Variants in AP3D1 observed in about 807,000 individuals in gnomAD.
The protein encoded by AP3D1 is AP-3 complex subunit delta-1.
In AP3D1, 51 loss-of-function variants were observed where a neutral mutation model predicts 147.6. The ratio of observed to expected loss-of-function variants is 0.35; its 90% CI spans 0.28 to 0.44. AP3D1 has a LOEUF of 0.44. Among genes scored for constraint, AP3D1 ranks in the 20% least tolerant of loss-of-function variants. AP3D1 has a pLI of 1.00. For synonymous variants in AP3D1, 760 were observed against 663.0 expected (o/e 1.15, Z -2.25); for missense variants, 1,421 against 1,624.2 (o/e 0.87, Z 2.15).
chr19:2,159,044 G>A (rs1365076703), intron 1 of AP3D1, among the ~76,000 whole-genome samples: 1 of 152,014 alleles, frequency 6.6e-6, no homozygotes, highest in African/African-American at 2.4e-5. Flanking sequence ...AGGCTAGAGT[G>A]CAGTGGTGTG....
intron 1 of AP3D1, among the ~76,000 whole-genome samples, chr19:2,163,681 C>T (rs891842274): frequency 6.6e-6 from 1 of 152,066 alleles, no homozygotes; most frequent in Admixed American, 6.6e-5. Context: ...TCCGACGGGC[C>T]CGCCCACAGG....
chr19:2,145,508 C>T (rs1375752507), intron 1 of AP3D1, among the ~76,000 whole-genome samples: 5 of 152,150 alleles, frequency 3.3e-5, no homozygotes, highest in African/African-American at 4.8e-5. Context: ...GGGTGGAGGC[C>T]GGGTACGCTG....
rs1599485575 is a variant in AP3D1 at position 2,138,552 on chromosome 19, A to AG, written c.192+66dup. On this transcript the variant is annotated intron_variant, in intron 2 of 31. Transcript: ENST00000643116. The stretch of plus-strand genomic sequence containing the variant: ...CAGGTGGACAGACAGGCTGATGAAT[A>AG]GGGGACACGTGCTGAGTGGAGAAGC... 1.7e-5 allele frequency: 20 copies of AG among 1,198,026 alleles called. No individual in the cohort carries two copies. The East Asian group carries it at 4.4e-4, about 26-fold the overall frequency. 74.2% of individuals were successfully genotyped at this position (1,198,026 alleles called of 1,614,324 possible).
chr19:2,157,213 C>T (rs62128411), intron 1 of AP3D1, among the ~76,000 whole-genome samples: 4,099 of 151,400 alleles, frequency 0.027, 88 homozygotes, highest in Non-Finnish European at 0.043. Context: ...GAGGCCGAGG[C>T]GGGCGGATCA....
chr19:2,113,308 T>G (rs1294148182), intron 23 of AP3D1, 28 bp downstream of exon 23: 1 of 1,020,434 alleles, frequency 9.8e-7, no homozygotes, highest in East Asian at 6.1e-5. Context: ...ACACCGAGGC[T>G]GGCACTGGCC....
At chr19:2,137,243 C>G in intron 3 of AP3D1, 152 bp from the exon 4 acceptor site, 1 of 660,216 alleles carries the variant, frequency 1.5e-6, no homozygotes, top group Non-Finnish European at 2.7e-6. Context: ...TGGGAACCAA[C>G]CCGCATTTGA....
chr19:2,107,960 G>A (rs769342390), intron 31 of AP3D1, among the ~76,000 whole-genome samples: 1 of 152,162 alleles, frequency 6.6e-6, no homozygotes, highest in Admixed American at 6.5e-5. Context: ...CAACGTGAAC[G>A]GTAACTTGGG....
In AP3D1 at chr19:2,112,995, T is replaced by C. The variant is rs367658020; in HGVS notation, c.2680-28A>G. The C allele has an allele frequency of 1.5e-4, 235 of 1,572,008 alleles. No homozygotes were observed. The African/African-American group carries it at 2.4e-3, about 16-fold the overall frequency. ...GCAGGGAGCCAGGGCTTGGGGCTCA[T>C]GCTGGGCAATGAGGGGCCCCACTCC... is the stretch of plus-strand genomic sequence containing the variant. On this transcript the variant is annotated intron_variant, in intron 23 of 31. Transcript: ENST00000643116.
At position 2,108,580 on chromosome 19, in the gene AP3D1, T is replaced by C. The variant is rs1239336559; in HGVS notation, c.3552+107A>G. 3.0e-5 allele frequency: 30 copies of C among 1,009,400 alleles called. 2 individuals carry two copies. The South Asian group carries it at 4.2e-4, about 14-fold the overall frequency. 62.5% of individuals were successfully genotyped at this position (1,009,400 alleles called of 1,614,324 possible). ...CATGGCAGCAGTGCTGCCATCACTG[T>C]CCTCGAGCCCTCTAAGTCCCAAAGC... is the stretch of plus-strand genomic sequence containing the variant. On this transcript the variant is annotated intron_variant, in intron 31 of 31. Coordinates refer to ENST00000643116, the MANE Select transcript of AP3D1 (RefSeq NM_001261826.3).
intron 9 of AP3D1, among the ~76,000 whole-genome samples, chr19:2,125,785 A>C (rs1372397078): frequency 1.3e-5 from 2 of 151,912 alleles, no homozygotes; most frequent in African/African-American, 4.8e-5. Context: ...CTAGAGGTGT[A>C]CCTTAAAAAT....
chr19:2,124,452 A>C (rs2018696363), intron 9 of AP3D1, among the ~76,000 whole-genome samples: 1 of 152,186 alleles, frequency 6.6e-6, no homozygotes, highest in African/African-American at 2.4e-5. Flanking sequence ...TCAGAGCCCC[A>C]GCTCTAACAG....
At chr19:2,140,463 C>T (rs1033935817) in intron 1 of AP3D1, among the ~76,000 whole-genome samples, 1 of 149,924 alleles carries the variant, frequency 6.7e-6, no homozygotes, top group African/African-American at 2.5e-5. Context: ...TGGGTCTGCT[C>T]CAGTCAACTT....
At chr19:2,114,397 A>T in intron 21 of AP3D1, 95 bp from the exon 22 acceptor site, 1 of 1,051,954 alleles carries the variant, frequency 9.5e-7, no homozygotes, top group Non-Finnish European at 1.4e-6. Context: ...GCAGTGCGGG[A>T]CCTGCTCCTC....
At position 2,109,202 on chromosome 19, in the gene AP3D1, G is replaced by A; in HGVS notation, c.3356C>T (p.Ala1119Val). Residue 1119 changes from alanine (A) to valine (V), a missense_variant, in exon 30 of 32, where the codon GCC becomes GTC. Ala to Val is a moderately conservative substitution (Grantham distance 64, BLOSUM62 0). Around this residue, in one of 6 missense-constraint regions of AP3D1, gnomAD observed 791 missense variants for 761.4 expected, o/e 1.04. Transcript: ENST00000643116. The stretch of plus-strand genomic sequence containing the variant: ...CCCAGACTCCAGCAACTTAGCAAAG[G>A]CGTCACTGTGGGAGGGACAGGGAGG... Reference protein sequence around the residue: ...YLITTPCYSDAFAKLLESGDL... With the variant: ...YLITTPCYSDVFAKLLESGDL... The A allele has an allele frequency of 6.3e-7, 1 of 1,598,206 alleles. No individual in the cohort carries two copies. The highest frequency in any genetic ancestry group is 8.5e-7 in the Non-Finnish European group (1 of 1,173,510).
intron 4 of AP3D1, among the ~76,000 whole-genome samples, chr19:2,136,632 C>A (rs936037755): frequency 6.6e-6 from 1 of 152,318 alleles, no homozygotes; most frequent in East Asian, 1.9e-4. Context: ...GGAAGCACCC[C>A]ACATGGGCAG....
upstream of AP3D1, among the ~76,000 whole-genome samples, chr19:2,153,690 A>AG (rs548802011): frequency 4.1e-4 from 62 of 151,050 alleles, no homozygotes; most frequent in African/African-American, 1.1e-3. Context: ...AAAAAAAAAA[A>AG]GGAGGGGAAC....
chr19:2,119,699 CAAAAAAAAAAAAA>C (rs954635585), intron 14 of AP3D1, among the ~76,000 whole-genome samples: 7 of 25,336 alleles, frequency 2.8e-4, no homozygotes, highest in Non-Finnish European at 5.2e-4. Flanking sequence ...GACTCTGTCT[CAAAAAAAAAAAAA>C]AAAAAAAAAA....
intron 8 of AP3D1, among the ~76,000 whole-genome samples, chr19:2,128,511 CA>C (rs869159234): frequency 2.3e-5 from 3 of 128,944 alleles, no homozygotes; most frequent in East Asian, 2.5e-4. Context: ...CGGCCCGCCC[CA>C]CAGCTCCGAC....
At chr19:2,112,077 G>A (rs996274290) in intron 24 of AP3D1, 44 of 570,598 alleles carry the variant, frequency 7.7e-5, no homozygotes, top group Non-Finnish European at 7.1e-5. Context: ...CCACCGACCA[G>A]GGAGCCATGC....
Sources: allele counts gnomAD v4.1 joint callset (sites outside exome capture counted in the v4.1 genomes callset), GRCh38; gene constraint gnomAD v4.1.1; regional missense constraint gnomAD v4.1.1; transcripts MANE v1.5; gene names NCBI Gene and HGNC (gene_info 2026-07-23, HGNC 2026-07-21).